Variants in SGCZ observed in about 807,000 individuals in gnomAD.
SGCZ encodes zeta-sarcoglycan.
In SGCZ, 40 loss-of-function variants were observed where a neutral mutation model predicts 41.3. The ratio of observed to expected loss-of-function variants is 0.97; its 90% CI spans 0.75 to 1.26. SGCZ has a LOEUF of 1.26. Among genes scored for constraint, SGCZ ranks in the 50% most tolerant of loss-of-function variants. The probability of loss-of-function intolerance (pLI) is 0.00; values close to 1 mark genes in which losing one functional copy is unlikely to be tolerated. For synonymous variants in SGCZ, 206 were observed against 137.5 expected (o/e 1.50, Z -3.49); for missense variants, 552 against 369.8 (o/e 1.49, Z -4.04).
chr8:14,705,465 G>C (rs1585196736), intron 1 of SGCZ, among the ~76,000 whole-genome samples: 1 of 151,720 alleles, frequency 6.6e-6, no homozygotes, highest in African/African-American at 2.4e-5. Flanking sequence ...AGTGATAAAA[G>C]GTAAAATGCC....
chr8:14,831,525 T>C (rs1802526046), intron 1 of SGCZ, among the ~76,000 whole-genome samples: 1 of 152,102 alleles, frequency 6.6e-6, no homozygotes, highest in Non-Finnish European at 1.5e-5. Flanking sequence ...TACTACTTAT[T>C]CTACTAGACA....
chr8:14,498,139 T>G (rs1348798728), intron 2 of SGCZ, among the ~76,000 whole-genome samples: 1 of 152,206 alleles, frequency 6.6e-6, no homozygotes, highest in Non-Finnish European at 1.5e-5. Context: ...GATTTGAATG[T>G]CAATAATAAT....
rs191172236 is a variant in SGCZ at position 14,602,283 on chromosome 8, G to A, written c.40-47357C>T. On this transcript the variant is annotated intron_variant, in intron 1 of 7. Coordinates refer to ENST00000382080, the MANE Select transcript of SGCZ (RefSeq NM_139167.4). ...CCAACATTTACCTCAAAACACCGTA[G>A]GAATTTGAGTTGTATTTATGACAGT... 1.6e-3 allele frequency among the ~76,000 whole-genome samples: 247 copies of A among 152,210 alleles called. 4 individuals carry two copies. The highest frequency in any genetic ancestry group is 2.9e-3 in the Non-Finnish European group (196 of 68,026).
chr8:14,177,675 A>ATTTTTT (rs1193141913), intron 4 of SGCZ, among the ~76,000 whole-genome samples: 28 of 111,314 alleles, frequency 2.5e-4, no homozygotes, highest in Non-Finnish European at 3.0e-4. Flanking sequence ...ACGCCCTGCT[A>ATTTTTT]TTTTTTTTTT....
chr8:14,711,909 G>T (rs1179535801), intron 1 of SGCZ, among the ~76,000 whole-genome samples: 1 of 152,156 alleles, frequency 6.6e-6, no homozygotes, highest in African/African-American at 2.4e-5. Flanking sequence ...CAGCCTCTCA[G>T]GTTCCTATGT....
intron 1 of SGCZ, among the ~76,000 whole-genome samples, chr8:14,956,588 A>G (rs966015904): frequency 6.6e-6 from 1 of 152,218 alleles, no homozygotes; most frequent in African/African-American, 2.4e-5. Flanking sequence ...ACAAAAACAC[A>G]AAGTAACACA....
chr8:14,226,563 C>G (rs976588849), intron 4 of SGCZ, among the ~76,000 whole-genome samples: 1 of 152,096 alleles, frequency 6.6e-6, no homozygotes, highest in South Asian at 2.1e-4. Flanking sequence ...GAATACCATT[C>G]CACTGTGTTA....
intron 1 of SGCZ, among the ~76,000 whole-genome samples, chr8:15,175,416 G>A (rs954456854): frequency 1.1e-4 from 16 of 151,938 alleles, no homozygotes; most frequent in East Asian, 3.9e-4. Flanking sequence ...GCCATTATCC[G>A]TACCAAGCTA....
At chr8:14,677,671 T>G (rs1213416144) in intron 1 of SGCZ, among the ~76,000 whole-genome samples, 1 of 152,132 alleles carries the variant, frequency 6.6e-6, no homozygotes, top group East Asian at 1.9e-4. Flanking sequence ...CTCAGGAGGC[T>G]GAGGCAAGAG....
chr8:14,092,408 C>A (rs1801713501), intron 7 of SGCZ, among the ~76,000 whole-genome samples: 1 of 151,948 alleles, frequency 6.6e-6, no homozygotes, highest in Non-Finnish European at 1.5e-5. Context: ...TTACTTTGGG[C>A]AGTATGGCCA....
intron 1 of SGCZ, among the ~76,000 whole-genome samples, chr8:14,765,750 G>A (rs777076635): frequency 6.6e-6 from 1 of 152,146 alleles, no homozygotes; most frequent in Non-Finnish European, 1.5e-5. Flanking sequence ...TGGGGAGAAG[G>A]CCATGGTAAA....
intron 7 of SGCZ, among the ~76,000 whole-genome samples, chr8:14,091,076 A>T (rs777795230): frequency 2.0e-5 from 3 of 151,956 alleles, no homozygotes; most frequent in Non-Finnish European, 4.4e-5. Flanking sequence ...TACAAGTGAG[A>T]ACATGCAGTG....
intron 1 of SGCZ, among the ~76,000 whole-genome samples, chr8:15,113,981 G>T (rs1011851996): frequency 1.3e-5 from 2 of 152,154 alleles, no homozygotes; most frequent in African/African-American, 2.4e-5. Flanking sequence ...TTTTTTGACA[G>T]AAAACAAGAT....
intron 1 of SGCZ, among the ~76,000 whole-genome samples, chr8:14,564,204 T>C (rs1291461188): frequency 6.6e-6 from 1 of 152,206 alleles, no homozygotes. Context: ...AACATCCTTG[T>C]GACCATGCAA....
chr8:14,607,699 A>G (rs756757917), intron 1 of SGCZ, among the ~76,000 whole-genome samples: 8 of 152,208 alleles, frequency 5.3e-5, no homozygotes, highest in Non-Finnish European at 5.9e-5. Flanking sequence ...AACTCGTGGG[A>G]TCTACACAAT....
chr8:14,826,387 T>A (rs1161181375), intron 1 of SGCZ, among the ~76,000 whole-genome samples: 2 of 152,184 alleles, frequency 1.3e-5, no homozygotes, highest in Non-Finnish European at 2.9e-5. Context: ...AGTGCCGCAA[T>A]AAACATACAT....
chr8:14,569,283 T>C (rs1405996613), intron 1 of SGCZ, among the ~76,000 whole-genome samples: 1 of 152,192 alleles, frequency 6.6e-6, no homozygotes, highest in Non-Finnish European at 1.5e-5. Flanking sequence ...TTAGATCTTA[T>C]ATTCTTCTTC....
At chr8:14,127,400 C>T (rs75293308) in intron 5 of SGCZ, among the ~76,000 whole-genome samples, 2,460 of 152,150 alleles carry the variant, frequency 0.016, 70 homozygotes, top group African/African-American at 0.055. Context: ...AATATGTTAC[C>T]AATCTCATCA....
chr8:15,071,612 T>C (rs904856560), intron 1 of SGCZ, among the ~76,000 whole-genome samples: 2 of 152,208 alleles, frequency 1.3e-5, no homozygotes, highest in African/African-American at 4.8e-5. Flanking sequence ...ATGACATTTC[T>C]TTGAATTCAG....
Sources: allele counts gnomAD v4.1 joint callset (sites outside exome capture counted in the v4.1 genomes callset), GRCh38; gene constraint gnomAD v4.1.1; transcripts MANE v1.5; gene names NCBI Gene and HGNC (gene_info 2026-07-23, HGNC 2026-07-21).